CD2AP: variants seen among roughly 807,000 people sequenced by gnomAD.
The protein encoded by CD2AP is CD2 associated protein.
In CD2AP, 46 loss-of-function variants were observed where a neutral mutation model predicts 85.1. That is an observed-to-expected ratio of 0.54 (90% CI 0.43 to 0.69). The LOEUF is 0.69. Ranked by LOEUF, CD2AP falls within the 30% of genes least tolerant of loss-of-function variation. The pLI is 0.00. For missense variants in CD2AP, 769 were observed against 729.5 expected (o/e 1.05, Z -0.62); for synonymous variants, 255 against 252.9 (o/e 1.01, Z -0.08).
At chr6:47,596,071 T>C in intron 12 of CD2AP, 45 bp downstream of exon 12, 1 of 1,411,916 alleles carries the variant, frequency 7.1e-7, no homozygotes, top group East Asian at 2.3e-5. Context: ...TTTACTCACC[T>C]TTGACCTTAA....
intron 5 of CD2AP, among the ~76,000 whole-genome samples, chr6:47,571,333 C>T (rs1768145798): frequency 6.6e-6 from 1 of 151,986 alleles, no homozygotes; most frequent in African/African-American, 2.4e-5. Context: ...ATATAGGAAG[C>T]AAATTTTTCC....
At chr6:47,505,684 C>T in intron 2 of CD2AP, among the ~76,000 whole-genome samples, 1 of 82,740 alleles carries the variant, frequency 1.2e-5, no homozygotes, top group East Asian at 2.7e-4. Flanking sequence ...CTGACCCCCC[C>T]ATCTCCCTCC....
intron 5 of CD2AP, among the ~76,000 whole-genome samples, chr6:47,557,955 T>G (rs900084689): frequency 6.6e-6 from 1 of 152,194 alleles, no homozygotes; most frequent in Non-Finnish European, 1.5e-5. Context: ...TTCCTATCCA[T>G]TAGCATGGAA....
At chr6:47,491,118 T>A (rs1192378573) in intron 1 of CD2AP, among the ~76,000 whole-genome samples, 1 of 152,142 alleles carries the variant, frequency 6.6e-6, no homozygotes, top group Non-Finnish European at 1.5e-5. Flanking sequence ...GCAATGCTAA[T>A]CAGTTTTGCG....
chr6:47,571,007 C>A (rs997363946), intron 5 of CD2AP, among the ~76,000 whole-genome samples: 4 of 152,038 alleles, frequency 2.6e-5, no homozygotes, highest in Admixed American at 2.0e-4. Context: ...TCACTAAATC[C>A]AAACCCCCTT....
intron 12 of CD2AP, 121 bp downstream of exon 12, chr6:47,596,147 A>G (rs1582605282): frequency 1.4e-6 from 1 of 738,886 alleles, no homozygotes; most frequent in East Asian, 2.7e-5. Flanking sequence ...ATTTATTTTT[A>G]AAATTGACAT....
chr6:47,624,028 CTT>C (rs1769832702), intron 17 of CD2AP, among the ~76,000 whole-genome samples, 156 bp from the exon 18 acceptor site: 2 of 152,018 alleles, frequency 1.3e-5, no homozygotes, highest in Non-Finnish European at 2.9e-5. Context: ...ACTGTTGAAA[CTT>C]TATTCAACCA....
chr6:47,532,081 A>G (rs1356118610), intron 2 of CD2AP, among the ~76,000 whole-genome samples: 3 of 152,026 alleles, frequency 2.0e-5, no homozygotes, highest in African/African-American at 7.3e-5. Flanking sequence ...CTCAAAAAAA[A>G]AAAGAATCCT....
In CD2AP at chr6:47,586,591, C is replaced by G. The variant is rs142990861; in HGVS notation, c.1108+4526C>G. 1.2e-3 allele frequency among the ~76,000 whole-genome samples: 187 copies of G among 152,172 alleles called. 2 individuals carry two copies. The East Asian group carries it at 0.032, about 26-fold the overall frequency. ...TATAGTTTTCTACCTAACAAAAATACCTTTTGGGAATGGGTCAAAATTAAA... is the reference window on the plus strand; with the variant it reads ...TATAGTTTTCTACCTAACAAAAATAGCTTTTGGGAATGGGTCAAAATTAAA... On this transcript the variant is annotated intron_variant, in intron 11 of 17. Transcript: ENST00000359314.
chr6:47,606,417 A>G, intron 14 of CD2AP, 140 bp downstream of exon 14: 1 of 678,584 alleles, frequency 1.5e-6, no homozygotes, highest in South Asian at 1.6e-5. Flanking sequence ...GCTGGTATTT[A>G]AGGAGATAGA....
chr6:47,543,799 A>G (rs1230977119), intron 3 of CD2AP, among the ~76,000 whole-genome samples: 1 of 152,212 alleles, frequency 6.6e-6, no homozygotes, highest in African/African-American at 2.4e-5. Context: ...TTTCGAGGGA[A>G]CTTTTTATTC....
chr6:47,575,605 A>G (rs1768287078), intron 6 of CD2AP, among the ~76,000 whole-genome samples: 1 of 152,208 alleles, frequency 6.6e-6, no homozygotes, highest in South Asian at 2.1e-4. Flanking sequence ...ATAACAGAAG[A>G]CACAGTAGTA....
At chr6:47,603,847 T>G (rs1769204413) in intron 13 of CD2AP, among the ~76,000 whole-genome samples, 2 of 152,110 alleles carry the variant, frequency 1.3e-5, no homozygotes, top group South Asian at 4.1e-4. Context: ...GATGAAAGTT[T>G]ATAAAGCAAT....
chr6:47,568,284 A>G lies in CD2AP; in HGVS notation c.542-5780A>G, dbSNP rs552396901. Among the ~76,000 whole-genome samples the G allele has an allele frequency of 1.3e-4, 20 of 152,334 alleles. No individual in the cohort carries two copies. The East Asian group carries it at 3.7e-3, about 28-fold the overall frequency. ...TTGAAAATTACCAACTTTTACTACC[A>G]TGTTGGCTATTCACTTTTGGAGATA... is the stretch of plus-strand genomic sequence containing the variant. On this transcript the variant is annotated intron_variant, in intron 5 of 17. Transcript: ENST00000359314.
chr6:47,597,994 C>T (rs1345135763), intron 12 of CD2AP, among the ~76,000 whole-genome samples: 5 of 150,936 alleles, frequency 3.3e-5, no homozygotes, highest in African/African-American at 1.2e-4. Context: ...CATTTAGTCT[C>T]CTGCCACAGC....
In CD2AP at chr6:47,540,784, G is replaced by T. The variant is rs1421588786; in HGVS notation, c.320-3822G>T. Among the ~76,000 whole-genome samples, 3 of 152,146 alleles carry T rather than the reference G, an allele frequency of 2.0e-5. No individual in the cohort carries two copies. In the East Asian group the frequency reaches 5.8e-4, roughly 29 times the overall value. On this transcript the variant is annotated intron_variant, in intron 3 of 17. Transcript: ENST00000359314. ...AAAAAGAAACCACATTTTAAAAAAG[G>T]TCTGAAATTATCAGAAAGAAAGGAT...
intron 5 of CD2AP, among the ~76,000 whole-genome samples, chr6:47,556,465 A>G (rs1767695101): frequency 6.6e-6 from 1 of 151,850 alleles, no homozygotes; most frequent in African/African-American, 2.4e-5. Flanking sequence ...CTCCTGCCTC[A>G]GCCTCCCAAG....
intron 1 of CD2AP, chr6:47,489,130 A>G (rs1221581170): frequency 2.3e-5 from 3 of 128,842 alleles, no homozygotes; most frequent in Admixed American, 7.9e-5. Context: ...ACTTTTTTCT[A>G]CTCTTCCCTG....
intron 2 of CD2AP, among the ~76,000 whole-genome samples, chr6:47,513,143 C>CTTTTTTTTTTTTTTTTTTTTT (rs34297362): frequency 7.3e-6 from 1 of 136,356 alleles, no homozygotes; most frequent in Admixed American, 7.2e-5. Flanking sequence ...ATCTGAATAC[C>CTTTTTTTTTTTTTTTTTTTTT]TTTTTTTTTT....
Sources: gnomAD v4.1 joint callset for allele counts (sites outside exome capture counted in the v4.1 genomes callset) on GRCh38, gnomAD v4.1.1 for gene constraint, MANE v1.5 for transcripts, NCBI Gene and HGNC (gene_info 2026-07-23, HGNC 2026-07-21) for gene names.